BLOC1S6: variants seen among roughly 807,000 people sequenced by gnomAD.
BLOC1S6 encodes the protein biogenesis of lysosomal organelles complex 1 subunit 6, also known as biogenesis of lysosome-related organelles complex 1 subunit 6.
In BLOC1S6, 24 loss-of-function variants were observed where a neutral mutation model predicts 24.7. The ratio of observed to expected loss-of-function variants is 0.97; its 90% CI spans 0.70 to 1.37. The LOEUF (loss-of-function observed/expected upper bound fraction) is 1.37. Among genes scored for constraint, BLOC1S6 ranks in the 40% most tolerant of loss-of-function variants. The pLI is 0.00. For synonymous variants in BLOC1S6, 76 were observed against 72.6 expected (o/e 1.05, Z -0.23); for missense variants, 175 against 196.2 (o/e 0.89, Z 0.64).
chr15:45,593,817 G>A, intron 2 of BLOC1S6, among the ~76,000 whole-genome samples: 1 of 151,858 alleles, frequency 6.6e-6, no homozygotes, highest in East Asian at 1.9e-4. Flanking sequence ...ACATATCTCA[G>A]TTACTCCTGA....
At position 45,587,543 on chromosome 15, in the gene BLOC1S6, G is replaced by A; in HGVS notation, c.82+18G>A. The A allele has an allele frequency of 6.4e-7, 1 of 1,559,650 alleles. No homozygotes were observed. The highest frequency in any genetic ancestry group is 8.7e-7 in the Non-Finnish European group (1 of 1,153,650). On this transcript the variant is annotated intron_variant, in intron 1 of 4. Coordinates refer to ENST00000220531, the MANE Select transcript of BLOC1S6 (RefSeq NM_012388.4). Reference sequence around the variant, plus strand: ...GACGCCTGGTACGTACTATCGGGTGGGAAGCGCGGCCCGGGCTGGGTGTGA... The same window carrying A: ...GACGCCTGGTACGTACTATCGGGTGAGAAGCGCGGCCCGGGCTGGGTGTGA...
chr15:45,605,571 TTG>T, intron 4 of BLOC1S6, 57 bp downstream of exon 4: 1 of 1,330,998 alleles, frequency 7.5e-7, no homozygotes, highest in Non-Finnish European at 1.0e-6. Context: ...TTGTTTTTTG[TTG>T]TTTTTTTTTT....
rs935313605 is a variant in BLOC1S6, at chr15:45,587,660, G to A, written c.82+135G>A. On this transcript the variant is annotated intron_variant, in intron 1 of 4. Transcript: ENST00000220531. ...GCGGCCCCCGGGCCCTGCCCCGAGT[G>A]CAGAAATGGGGAACCGCGCCGGCCC... 36 of 891,896 alleles carry A rather than the reference G, an allele frequency of 4.0e-5. No individual in the cohort carries two copies. In the African/African-American group the frequency reaches 5.3e-4, roughly 13 times the overall value. 55.2% of individuals were successfully genotyped at this position (891,896 alleles called of 1,614,324 possible).
At chr15:45,591,443 AT>A (rs1355604286) in intron 1 of BLOC1S6, among the ~76,000 whole-genome samples, 1 of 151,850 alleles carries the variant, frequency 6.6e-6, no homozygotes, top group African/African-American at 2.4e-5. Context: ...ATATCTATTT[AT>A]TTTTTTGAGA....
intron 2 of BLOC1S6, chr15:45,599,551 AT>A (rs1894194648): frequency 8.0e-6 from 1 of 125,312 alleles, no homozygotes; most frequent in Non-Finnish European, 1.6e-5. Context: ...AAAAGAAGAC[AT>A]TTATGCAGCC....
At chr15:45,597,234 T>C (rs1267828666) in intron 2 of BLOC1S6, among the ~76,000 whole-genome samples, 1 of 152,126 alleles carries the variant, frequency 6.6e-6, no homozygotes, top group Admixed American at 6.5e-5. Flanking sequence ...CCAAGCACTT[T>C]GGGAGCCTGG....
At position 45,592,276 on chromosome 15, in the gene BLOC1S6, C is replaced by A; in HGVS notation, c.224C>A (p.Thr75Lys). 6.2e-7 allele frequency: 1 copy of A among 1,613,718 alleles called. No homozygotes were observed. Among genetic ancestry groups the A allele is most frequent in the Non-Finnish European group, 8.5e-7 (1 of 1,179,978 alleles). ...TCAAAACAAGCCCTCCAGGAACTCA[C>A]GTAAGCTAATAAAAAACCAGATATA... The part of the protein sequence containing the change: ...QRSKQALQEL[T>K]QNQVVLLDTL... Residue 75 changes from threonine to lysine, a missense_variant and splice_region_variant, in exon 2 of 5, where the codon ACA becomes AAA. Coordinates refer to ENST00000220531, the MANE Select transcript of BLOC1S6 (RefSeq NM_012388.4).
At chr15:45,587,897 G>T in intron 1 of BLOC1S6, 1 of 624,246 alleles carries the variant, frequency 1.6e-6, no homozygotes, top group South Asian at 1.8e-5. Context: ...CTATAATATT[G>T]ACCACTCATG....
Position 45,587,498 on chromosome 15 carries a change from T to C in BLOC1S6, c.55T>C (p.Cys19Arg). 1 of 1,584,110 alleles carries C rather than the reference T, an allele frequency of 6.3e-7. No individual in the cohort carries two copies. The highest frequency in any genetic ancestry group is 8.6e-7 in the Non-Finnish European group (1 of 1,164,962). The change falls in exon 1 of 5, where the codon TGC becomes CGC. Residue 19 changes from cysteine to arginine, a missense_variant. Coordinates refer to ENST00000220531, the MANE Select transcript of BLOC1S6 (RefSeq NM_012388.4). ...PDGALTRPPY[C>R]LEAGEPTPGL... is the part of the protein sequence containing the mutation. ...CGGGGCCCTGACACGGCCACCCTAC[T>C]GCCTGGAGGCCGGGGAGCCGACGCC...
chr15:45,602,438 A>G, intron 2 of BLOC1S6: 1 of 608,220 alleles, frequency 1.6e-6, no homozygotes, highest in Non-Finnish European at 3.0e-6. Flanking sequence ...GTGTAAAGAA[A>G]TATCAAGGAA....
chr15:45,588,880 C>A (rs1331709217), intron 1 of BLOC1S6, among the ~76,000 whole-genome samples: 2 of 152,180 alleles, frequency 1.3e-5, no homozygotes, highest in Non-Finnish European at 2.9e-5. Context: ...TCCACTCCTG[C>A]CATAGATTTC....
chr15:45,591,056 T>C (rs990531586), intron 1 of BLOC1S6, among the ~76,000 whole-genome samples: 4 of 152,184 alleles, frequency 2.6e-5, no homozygotes, highest in Non-Finnish European at 4.4e-5. Flanking sequence ...GCTTACACTT[T>C]TATTATTCAA....
intron 2 of BLOC1S6, 23 bp downstream of exon 2, chr15:45,592,299 A>G (rs1395367211): frequency 6.2e-7 from 1 of 1,612,504 alleles, no homozygotes; most frequent in Non-Finnish European, 8.5e-7. Flanking sequence ...AAAACCAGAT[A>G]TACACTCATT....
At chr15:45,596,632 T>C (rs1209842977) in intron 2 of BLOC1S6, among the ~76,000 whole-genome samples, 1 of 152,170 alleles carries the variant, frequency 6.6e-6, no homozygotes, top group Non-Finnish European at 1.5e-5. Flanking sequence ...ATGTCTGTTC[T>C]TTTGCCATTA....
At chr15:45,590,472 A>G (rs1257659690) in intron 1 of BLOC1S6, among the ~76,000 whole-genome samples, 4 of 150,648 alleles carry the variant, frequency 2.7e-5, no homozygotes, top group African/African-American at 7.3e-5. Flanking sequence ...TAGTGGCACA[A>G]TCTTGGCACA....
rs995671179 is a variant in BLOC1S6, at chr15:45,587,529, C to T, written c.82+4C>T. On this transcript the variant is annotated splice_donor_region_variant and intron_variant, in intron 1 of 4. Transcript: ENST00000220531. ...GAGGCCGGGGAGCCGACGCCTGGTA[C>T]GTACTATCGGGTGGGAAGCGCGGCC... is the stretch of plus-strand genomic sequence containing the variant. 5 of 1,569,814 alleles carry T rather than the reference C, an allele frequency of 3.2e-6. No homozygotes were observed. Among genetic ancestry groups the T allele is most frequent in the East Asian group, 2.4e-5 (1 of 42,432 alleles).
At chr15:45,592,396 C>A in intron 2 of BLOC1S6, 120 bp downstream of exon 2, 1 of 1,237,372 alleles carries the variant, frequency 8.1e-7, no homozygotes, top group Non-Finnish European at 1.2e-6. Flanking sequence ...TTGAGTATGT[C>A]TATATCTTTA....
chr15:45,603,268 T>G, intron 3 of BLOC1S6, 81 bp downstream of exon 3: 2 of 885,752 alleles, frequency 2.3e-6, no homozygotes, highest in South Asian at 1.4e-5. Context: ...TAGCTAAGAT[T>G]TTAAGCTTAG....
chr15:45,606,249 T>G, intron 4 of BLOC1S6, 146 bp from the exon 5 acceptor site: 1 of 1,237,362 alleles, frequency 8.1e-7, no homozygotes, highest in Admixed American at 2.1e-5. Context: ...CAAAGGGACC[T>G]TAAATTATCC....
Sources: gnomAD v4.1 joint callset for allele counts (sites outside exome capture counted in the v4.1 genomes callset) on GRCh38, gnomAD v4.1.1 for gene constraint, MANE v1.5 for transcripts, NCBI Gene and HGNC (gene_info 2026-07-23, HGNC 2026-07-21) for gene names.